Variants in HSD17B2 observed in about 807,000 individuals in gnomAD.
The protein encoded by HSD17B2 is hydroxysteroid 17-beta dehydrogenase 2.
HSD17B2 carries 32 observed loss-of-function variants against 26.9 expected under a neutral mutation model. That is an observed-to-expected ratio of 1.19 (90% CI 0.90 to 1.60). The LOEUF is 1.60. Among genes scored for constraint, HSD17B2 ranks in the 40% most tolerant of loss-of-function variants. The pLI, the probability that HSD17B2 is intolerant of heterozygous loss-of-function variation, is 0.00. For synonymous variants in HSD17B2, 246 were observed against 186.7 expected, an observed-to-expected ratio of 1.32 and a Z score of -2.59; for missense variants, 613 against 468.6, an observed-to-expected ratio of 1.31 and a Z score of -2.85.
intron 3 of HSD17B2, among the ~76,000 whole-genome samples, chr16:82,085,151 G>A (rs1469534670): frequency 6.6e-6 from 1 of 152,194 alleles, no homozygotes; most frequent in Non-Finnish European, 1.5e-5. Context: ...TCTCAGTCCA[G>A]ACTGTGGGAT....
intron 3 of HSD17B2, among the ~76,000 whole-genome samples, chr16:82,088,219 G>A (rs915301612): frequency 6.6e-6 from 1 of 152,144 alleles, no homozygotes; most frequent in Non-Finnish European, 1.5e-5. Flanking sequence ...TTCTGAAGCA[G>A]GTGCACTTAT....
intron 1 of HSD17B2, among the ~76,000 whole-genome samples, chr16:82,060,470 TC>T (rs1914401337): frequency 1.3e-5 from 2 of 152,196 alleles, no homozygotes; most frequent in African/African-American, 4.8e-5. Flanking sequence ...AGCTGATGGG[TC>T]CCTTGTGGGA....
Position 82,097,242 on chromosome 16 carries a change from CTATGTCTATGTCTATGTCTATGTCTATG to C in HSD17B2, c.803-831_803-804del, listed in dbSNP as rs1904868541. 3.7e-5 allele frequency: 5 copies of C among 134,594 alleles called. No individual in the cohort carries two copies. In the South Asian group the frequency reaches 7.5e-4, roughly 20 times the overall value. The allele number at this position is 134,594 out of a possible 1,614,324, so 8.3% of individuals were successfully genotyped here. On this transcript the variant is annotated intron_variant, in intron 4 of 4. Coordinates refer to ENST00000199936, the MANE Select transcript of HSD17B2 (RefSeq NM_002153.3). ...TCTATGTCTATGTCTATGTCTATGT[CTATGTCTATGTCTATGTCTATGTCTATG>C]TGTGTGTATGTGTGTGTGTGTGTAT...
chr16:82,079,470 C>A (rs887834718), intron 3 of HSD17B2, among the ~76,000 whole-genome samples: 1 of 152,160 alleles, frequency 6.6e-6, no homozygotes, highest in Non-Finnish European at 1.5e-5. Context: ...GAATGGCAGT[C>A]ATACTGAATT....
intron 1 of HSD17B2, among the ~76,000 whole-genome samples, chr16:82,051,445 C>G (rs1597123066): frequency 6.6e-6 from 1 of 152,124 alleles, no homozygotes; most frequent in African/African-American, 2.4e-5. Flanking sequence ...AAGCCATCAT[C>G]CTCAGCAAAC....
At chr16:82,069,524 C>T (rs1219235141) in intron 2 of HSD17B2, among the ~76,000 whole-genome samples, 1 of 152,150 alleles carries the variant, frequency 6.6e-6, no homozygotes, top group Non-Finnish European at 1.5e-5. Context: ...GGTCCCCAGC[C>T]CCCATTGCTC....
chr16:82,076,241 C>T (rs549481581), intron 3 of HSD17B2, among the ~76,000 whole-genome samples: 8 of 152,204 alleles, frequency 5.3e-5, no homozygotes, highest in African/African-American at 4.8e-5. Context: ...CACATCTCAA[C>T]GTAACAAAAG....
chr16:82,071,348 G>A, intron 3 of HSD17B2: 2 of 599,254 alleles, frequency 3.3e-6, no homozygotes, highest in Non-Finnish European at 6.0e-6. Context: ...TCATCCATTT[G>A]TTACTGGGGA....
rs1375582689 is a variant in HSD17B2, at chr16:82,068,235, G to A, written c.331G>A (p.Ala111Thr). ...YLDELGFTVF[A>T]GVLNENGPGA... ...GGATGAGCTGGGCTTCACGGTATTTGCCGGAGTTTTGAATGAAAATGGCCC... is the reference window on the plus strand; with the variant it reads ...GGATGAGCTGGGCTTCACGGTATTTACCGGAGTTTTGAATGAAAATGGCCC... Residue 111 changes from alanine to threonine, a missense_variant, in exon 2 of 5, where the codon GCC (alanine) becomes ACC (threonine). Coordinates refer to ENST00000199936, the MANE Select transcript of HSD17B2 (RefSeq NM_002153.3). 10 of 1,613,996 alleles carry A rather than the reference G, an allele frequency of 6.2e-6. No homozygotes were observed. The highest frequency in any genetic ancestry group is 8.5e-7 in the Non-Finnish European group (1 of 1,180,030).
At chr16:82,055,888 T>C (rs1192663055) in intron 1 of HSD17B2, among the ~76,000 whole-genome samples, 6 of 151,988 alleles carry the variant, frequency 3.9e-5, no homozygotes, top group Non-Finnish European at 5.9e-5. Context: ...CTGGAGTGAG[T>C]AGATTCTAAG....
intron 1 of HSD17B2, chr16:82,044,501 G>A: frequency 6.6e-6 from 1 of 152,320 alleles, no homozygotes; most frequent in East Asian, 1.9e-4. Flanking sequence ...AGGCTGGGAG[G>A]TTGGAAGGAA....
At chr16:82,060,323 T>C (rs1197678807) in intron 1 of HSD17B2, among the ~76,000 whole-genome samples, 1 of 152,128 alleles carries the variant, frequency 6.6e-6, no homozygotes, top group African/African-American at 2.4e-5. Flanking sequence ...CAAAAGGCTA[T>C]GGGGTCAGGG....
At chr16:82,071,169 C>T in intron 3 of HSD17B2, 42 bp downstream of exon 3, 1 of 1,573,834 alleles carries the variant, frequency 6.4e-7, no homozygotes, top group African/African-American at 1.3e-5. Flanking sequence ...GTGCCCATCA[C>T]AAGACATGGC....
At chr16:82,078,163 G>A (rs910155458) in intron 3 of HSD17B2, among the ~76,000 whole-genome samples, 1 of 152,074 alleles carries the variant, frequency 6.6e-6, no homozygotes, top group Non-Finnish European at 1.5e-5. Flanking sequence ...GAAAATATAA[G>A]GAGCTCAAAC....
At chr16:82,054,902 A>G (rs988843756) in intron 1 of HSD17B2, among the ~76,000 whole-genome samples, 13 of 152,228 alleles carry the variant, frequency 8.5e-5, no homozygotes, top group African/African-American at 3.1e-4. Flanking sequence ...ATTTTACAAT[A>G]AAACTCATGG....
At chr16:82,076,574 G>A (rs1268322913) in intron 3 of HSD17B2, among the ~76,000 whole-genome samples, 1 of 152,142 alleles carries the variant, frequency 6.6e-6, no homozygotes, top group African/African-American at 2.4e-5. Flanking sequence ...AAAATCAGTA[G>A]CATGTACTTC....
intron 1 of HSD17B2, among the ~76,000 whole-genome samples, chr16:82,052,674 T>A (rs752319696): frequency 6.6e-6 from 1 of 152,212 alleles, no homozygotes; most frequent in Non-Finnish European, 1.5e-5. Flanking sequence ...TCTATTTTTT[T>A]ATGCTCAAAA....
chr16:82,095,150 A>C (rs189937460), intron 4 of HSD17B2: 2 of 152,370 alleles, frequency 1.3e-5, no homozygotes, highest in Non-Finnish European at 2.9e-5. Flanking sequence ...TGAGGTGTTT[A>C]AAGAAGAATG....
intron 1 of HSD17B2, among the ~76,000 whole-genome samples, chr16:82,059,475 CG>C (rs1914369961): frequency 2.0e-5 from 3 of 152,264 alleles, no homozygotes; most frequent in Admixed American, 2.0e-4. Flanking sequence ...CAGTGGATAC[CG>C]ACCCCTATCC....
Sources: allele counts gnomAD v4.1 joint callset (sites outside exome capture counted in the v4.1 genomes callset), GRCh38; gene constraint gnomAD v4.1.1; transcripts MANE v1.5; gene names NCBI Gene and HGNC (gene_info 2026-07-23, HGNC 2026-07-21).